The following S1PR3 variants were observed in gnomAD, a reference collection of about 807,000 sequenced individuals.
S1PR3 encodes the protein sphingosine 1-phosphate receptor 3.
A neutral mutation model predicts 13.3 loss-of-function variants in S1PR3; 12 were observed. The observed-to-expected ratio is 0.90, with a 90% CI of 0.58 to 1.46. The LOEUF (loss-of-function observed/expected upper bound fraction) is 1.46. S1PR3 is among the 40% of genes most tolerant of loss of function. S1PR3 has a pLI of 0.00. For missense variants in S1PR3, 450 were observed against 501.9 expected, an observed-to-expected ratio of 0.90 and a Z score of 0.99; for synonymous variants, 232 against 214.0, an observed-to-expected ratio of 1.08 and a Z score of -0.73.
chr9:88,990,945 C>T (rs770849065), upstream of S1PR3: 1 of 1,604,778 alleles, frequency 6.2e-7, no homozygotes, highest in Admixed American at 1.7e-5. Context: ...CTGTCCGGCG[C>T]CAGGCGCCCA....
chr9:88,993,645 G>C (rs1412601062), intron 1 of S1PR3: 1 of 152,184 alleles, frequency 6.6e-6, no homozygotes, highest in Non-Finnish European at 1.5e-5. Context: ...TTTTGGAAAT[G>C]TATAATGTTT....
chr9:88,995,516 G>T (rs1225140568), intron 1 of S1PR3: 1 of 166,802 alleles, frequency 6.0e-6, no homozygotes, highest in Non-Finnish European at 1.5e-5. Flanking sequence ...CTAACTTGGG[G>T]TCATCCACTG....
chr9:88,996,936 A>G (rs1220336288), intron 1 of S1PR3: 3 of 152,062 alleles, frequency 2.0e-5, no homozygotes, highest in Admixed American at 6.5e-5. Flanking sequence ...GCGGAGGGGA[A>G]CTCTTGTCCA....
rs780998699 is a variant in S1PR3 at position 89,001,518 on chromosome 9, G to A, written c.318G>A (p.Leu106=). 18 of 1,614,146 alleles carry A rather than the reference G, an allele frequency of 1.1e-5. 1 individual carries two copies. The highest frequency in any genetic ancestry group is 1.5e-5 in the Non-Finnish European group (18 of 1,180,060). The change falls in exon 2 of 2, where the codon CTG becomes CTA. Residue 106 remains leucine (L), a synonymous_variant. Coordinates refer to ENST00000358157, the MANE Select transcript of S1PR3 (RefSeq NM_005226.4). ...TGTCTGGCAAGAAGACGTTCAGCCT[G>A]TCTCCCACGGTCTGGTTCCTCAGGG... ...ILMSGKKTFS[L]SPTVWFLREG... is the part of the protein sequence containing the mutation.
At chr9:88,995,725 G>A (rs978205885) in intron 1 of S1PR3, 34 of 167,082 alleles carry the variant, frequency 2.0e-4, no homozygotes, top group Non-Finnish European at 2.9e-5. Flanking sequence ...TGAAAAGACT[G>A]AAGATGCAGA....
rs376952228 is a variant in S1PR3, at chr9:89,001,642, G to A, written c.442G>A (p.Ala148Thr). ...LTMIKMRPYD[A>T]NKRHRVFLLI... is the part of the protein sequence containing the mutation. ...AATGATCAAAATGAGGCCTTACGAC[G>A]CCAACAAGAGGCACCGCGTCTTCCT... The change falls in exon 2 of 2, where the codon GCC (alanine) becomes ACC (threonine). Residue 148 changes from alanine to threonine, a missense_variant. By Grantham distance (58) the Ala-to-Thr change is moderately conservative. Transcript: ENST00000358157. 6.2e-6 allele frequency: 10 copies of A among 1,614,080 alleles called. No homozygotes were observed. The highest frequency in any genetic ancestry group is 4.0e-5 in the African/African-American group (3 of 74,940).
chr9:88,991,429 C>A (rs996719591), upstream of S1PR3: 26 of 1,535,510 alleles, frequency 1.7e-5, no homozygotes, highest in Non-Finnish European at 2.2e-5. This position sits in a 1 kb window ranked among gnomAD's most constrained non-coding sequence, Gnocchi z 4.0. Flanking sequence ...CCCGCCCCGG[C>A]GGGCCGCTGG....
At position 89,001,036 on chromosome 9, in the gene S1PR3, CTT is replaced by C; in HGVS notation, c.-147-14_-147-13del. Reference sequence around the variant, plus strand: ...ATCGTTTTATCAATGGTCGCTCCCTCTTTTTATCTGTTGGCAGGAGCCCTTTT... The same window carrying C: ...ATCGTTTTATCAATGGTCGCTCCCTCTTTATCTGTTGGCAGGAGCCCTTTT... On this transcript the variant is annotated splice_polypyrimidine_tract_variant and intron_variant, in intron 1 of 1. Transcript: ENST00000358157. 3 of 747,268 alleles carry C rather than the reference CTT, an allele frequency of 4.0e-6. No individual in the cohort carries two copies. The highest frequency in any genetic ancestry group is 6.5e-6 in the Non-Finnish European group (3 of 463,022). 46.3% of individuals were successfully genotyped at this position (747,268 alleles called of 1,614,324 possible).
At chr9:88,991,404 G>A, upstream of S1PR3, 2 of 1,500,230 alleles carry the variant, frequency 1.3e-6, no homozygotes, top group South Asian at 1.2e-5. This position sits in a 1 kb window ranked among gnomAD's most constrained non-coding sequence, Gnocchi z 4.0. Flanking sequence ...GCGAGGGGAG[G>A]GGCGGAGCGC....
chr9:88,996,924 G>A (rs1165428539), intron 1 of S1PR3: 1 of 152,232 alleles, frequency 6.6e-6, no homozygotes, highest in Non-Finnish European at 1.5e-5. Context: ...TACCCCTCAG[G>A]AGCGGAGGGG....
intron 1 of S1PR3, chr9:88,995,368 T>A (rs1416430058): frequency 6.0e-6 from 1 of 167,060 alleles, no homozygotes; most frequent in African/African-American, 2.4e-5. Flanking sequence ...CAACTTGACA[T>A]GGGTAGAGAA....
At chr9:88,992,474 T>G (rs142771500) in intron 1 of S1PR3, 1,807 of 157,592 alleles carry the variant, frequency 0.011, 16 homozygotes, top group Non-Finnish European at 0.019. Context: ...GAAGGTTACT[T>G]TTAAATGGAG....
chr9:88,999,051 C>G (rs1564062202), intron 1 of S1PR3: 1 of 152,396 alleles, frequency 6.6e-6, no homozygotes. Context: ...TCAGCCTGGA[C>G]TTGGAACTTG....
rs1283504461 is a variant in S1PR3 at position 89,001,189 on chromosome 9, G to A, written c.-12G>A. 6.2e-7 allele frequency: 1 copy of A among 1,609,528 alleles called. No homozygotes were observed. On this transcript the variant is annotated 5_prime_UTR_variant, in exon 2 of 2. The change abolishes the stop of an existing upstream ORF in the 5' untranslated region. Coordinates refer to ENST00000358157, the MANE Select transcript of S1PR3 (RefSeq NM_005226.4). ...GTGGATTTTGGAGCTAATCGTCTGT[G>A]AATGCCAAGTGATGGCAACTGCCCT...
chr9:88,998,643 G>A (rs1267098480), intron 1 of S1PR3: 1 of 152,238 alleles, frequency 6.6e-6, no homozygotes, highest in Non-Finnish European at 1.5e-5. Flanking sequence ...GCTGCTGACT[G>A]TGGTATTGCC....
rs1368788851 is a variant in S1PR3 at position 88,991,602 on chromosome 9, C to T, written c.-241C>T. The T allele has an allele frequency of 1.3e-6, 2 of 1,542,716 alleles. No individual in the cohort carries two copies. Among genetic ancestry groups the T allele is most frequent in the East Asian group, 2.5e-5 (1 of 40,066 alleles). On this transcript the variant is annotated 5_prime_UTR_variant, in exon 1 of 2. Coordinates refer to ENST00000358157, the MANE Select transcript of S1PR3 (RefSeq NM_005226.4). This position sits in a 1 kb window ranked among gnomAD's most constrained non-coding sequence, Gnocchi z 4.0. ...CGCTGAGACTGCCGGGCCTCCCAGC[C>T]CATCTGGCATTCGAGCGCAGGACCG...
chr9:89,005,058 G>A lies in S1PR3; in HGVS notation c.*2721G>A, dbSNP rs1825919975. On this transcript the variant is annotated 3_prime_UTR_variant, in exon 2 of 2. Transcript: ENST00000358157. ...GATTGTTTTATCGTTTTCACCGGGT[G>A]CCCTCCCCACTGCAGGGGTGCGCAC... is the stretch of plus-strand genomic sequence containing the variant. The A allele has an allele frequency of 6.1e-6, 1 of 164,456 alleles. No individual in the cohort carries two copies. Among genetic ancestry groups the A allele is most frequent in the South Asian group, 2.1e-4 (1 of 4,826 alleles). The allele number at this position is 164,456 out of a possible 1,614,324, so 10.2% of individuals were successfully genotyped here. A position where few individuals can be genotyped will look rare whatever the true frequency, so the allele number is the denominator to read the frequency against.
At chr9:88,991,288 C>T (rs4877039), upstream of S1PR3, 18 of 1,519,794 alleles carry the variant, frequency 1.2e-5, no homozygotes, top group Non-Finnish European at 1.6e-5. The surrounding 1 kb of genome is among the most constrained non-coding windows in gnomAD (Gnocchi z 4.0). Context: ...GCGGGGCGCA[C>T]GGAGACCAGG....
rs1825876003 is a variant in S1PR3, at chr9:89,002,089, A to G, written c.889A>G (p.Ile297Val). ...GCTCAACTCCGCCATGAACCCGGTCATCTACACGCTGGCCAGCAAGGAGAT... is the reference window on the plus strand; with the variant it reads ...GCTCAACTCCGCCATGAACCCGGTCGTCTACACGCTGGCCAGCAAGGAGAT... ...AVLNSAMNPV[I>V]YTLASKEMRR... Residue 297 changes from isoleucine to valine, a missense_variant, in exon 2 of 2, where the codon ATC (isoleucine) becomes GTC (valine). Coordinates refer to ENST00000358157, the MANE Select transcript of S1PR3 (RefSeq NM_005226.4). 2 of 1,614,004 alleles carry G rather than the reference A, an allele frequency of 1.2e-6. No individual in the cohort carries two copies. The highest frequency in any genetic ancestry group is 4.5e-5 in the East Asian group (2 of 44,830).
Sources: allele counts gnomAD v4.1 joint callset, GRCh38; gene constraint gnomAD v4.1.1; non-coding constraint Gnocchi (gnomAD v3.1); transcripts MANE v1.5; gene names NCBI Gene and HGNC (gene_info 2026-07-23, HGNC 2026-07-21).